The following ATG4C variants were observed in gnomAD, a reference collection of about 807,000 sequenced individuals.
ATG4C encodes the protein autophagy related 4C cysteine peptidase.
ATG4C carries 56 observed loss-of-function variants against 57.6 expected under a neutral mutation model. The ratio of observed to expected loss-of-function variants is 0.97; its 90% CI spans 0.78 to 1.21. The LOEUF (loss-of-function observed/expected upper bound fraction) is 1.21, where lower values mean the gene tolerates loss of function less well. Ranked by LOEUF, ATG4C falls within the 50% of genes most tolerant of loss-of-function variation. The pLI is 0.00. For missense variants in ATG4C, 595 were observed against 529.8 expected (o/e 1.12, Z -1.21); for synonymous variants, 157 against 174.1 (o/e 0.90, Z 0.78).
intron 3 of ATG4C, among the ~76,000 whole-genome samples, chr1:62,814,600 A>G (rs537669944): frequency 6.6e-6 from 1 of 152,306 alleles, no homozygotes; most frequent in African/African-American, 2.4e-5. Flanking sequence ...TAATAATAAT[A>G]AAAAATATAG....
At chr1:62,796,969 A>C (rs1404527328) in intron 1 of ATG4C, among the ~76,000 whole-genome samples, 1 of 152,102 alleles carries the variant, frequency 6.6e-6, no homozygotes, top group Non-Finnish European at 1.5e-5. Context: ...TTAGCTGGGC[A>C]TGGTGGCACA....
At chr1:62,810,920 ATTCT>A (rs1173873483) in intron 3 of ATG4C, among the ~76,000 whole-genome samples, 1 of 152,072 alleles carries the variant, frequency 6.6e-6, no homozygotes, top group African/African-American at 2.4e-5. Context: ...TAAATTCTTG[ATTCT>A]TTAATATCTA....
At chr1:62,803,142 G>T (rs558727003) in intron 1 of ATG4C, among the ~76,000 whole-genome samples, 2 of 152,058 alleles carry the variant, frequency 1.3e-5, no homozygotes, top group Non-Finnish European at 2.9e-5. Context: ...AACATTTTCC[G>T]TTATAAATTT....
At chr1:62,831,545 T>G (rs549326100) in intron 7 of ATG4C, among the ~76,000 whole-genome samples, 37 of 152,168 alleles carry the variant, frequency 2.4e-4, no homozygotes, top group East Asian at 9.6e-4. Flanking sequence ...GGAGGTTTAT[T>G]TATGTATGTA....
At chr1:62,846,160 C>A (rs1413854600) in intron 10 of ATG4C, among the ~76,000 whole-genome samples, 1 of 152,240 alleles carries the variant, frequency 6.6e-6, no homozygotes, top group South Asian at 2.1e-4. Flanking sequence ...CACTAATGAC[C>A]CTACGTTGCC....
chr1:62,861,235 G>T (rs921046709), intron 10 of ATG4C, among the ~76,000 whole-genome samples: 1 of 152,026 alleles, frequency 6.6e-6, no homozygotes, highest in Non-Finnish European at 1.5e-5. Flanking sequence ...TGTAATAGAA[G>T]AATTACATGT....
intron 1 of ATG4C, among the ~76,000 whole-genome samples, chr1:62,785,725 A>G (rs1044843735): frequency 2.0e-5 from 3 of 152,186 alleles, no homozygotes; most frequent in Non-Finnish European, 4.4e-5. Context: ...GCTATCAAGT[A>G]TGATCTATAC....
At chr1:62,843,287 T>G (rs1303487940) in intron 10 of ATG4C, among the ~76,000 whole-genome samples, 2 of 152,202 alleles carry the variant, frequency 1.3e-5, no homozygotes, top group African/African-American at 4.8e-5. Flanking sequence ...AGAGAAATTA[T>G]GTTGAAATGT....
chr1:62,800,471 A>G (rs148009416), intron 1 of ATG4C, among the ~76,000 whole-genome samples: 4 of 152,168 alleles, frequency 2.6e-5, no homozygotes, highest in Admixed American at 2.0e-4. Flanking sequence ...CATATGACAC[A>G]TAAGTTTCAG....
intron 7 of ATG4C, among the ~76,000 whole-genome samples, chr1:62,832,338 CTG>C (rs1221204629): frequency 6.6e-6 from 1 of 152,064 alleles, no homozygotes; most frequent in African/African-American, 2.4e-5. Flanking sequence ...ATACTGGAGA[CTG>C]AGTAATTTAT....
intron 9 of ATG4C, among the ~76,000 whole-genome samples, chr1:62,841,198 A>G (rs1443249077): frequency 6.6e-6 from 1 of 152,174 alleles, no homozygotes; most frequent in Admixed American, 6.6e-5. Context: ...AATGGCACTA[A>G]TATCACAAAA....
chr1:62,800,196 T>C (rs1056522483), intron 1 of ATG4C, among the ~76,000 whole-genome samples: 10 of 152,176 alleles, frequency 6.6e-5, no homozygotes, highest in African/African-American at 2.4e-4. Flanking sequence ...TGGCCTTCTT[T>C]CTTTCAGACT....
intron 10 of ATG4C, among the ~76,000 whole-genome samples, chr1:62,852,771 T>C (rs1482357992): frequency 2.0e-5 from 3 of 151,684 alleles, no homozygotes; most frequent in Non-Finnish European, 2.9e-5. Flanking sequence ...TTCTAAATGT[T>C]CAGTTATATC....
At position 62,819,085 on chromosome 1, in the gene ATG4C, G is replaced by C. The variant is rs1482110984; in HGVS notation, c.475G>C (p.Ala159Pro). Reference sequence around the variant, plus strand: ...TTCCCACACTGTCAAAAAATTTACTGCATCATTTGAAGCATCACTTTCAGG... The same window carrying C: ...TTCCCACACTGTCAAAAAATTTACTCCATCATTTGAAGCATCACTTTCAGG... ...WTSHTVKKFT[A>P]SFEASLSGER... Residue 159 changes from alanine to proline, a missense_variant, in exon 5 of 11, where the codon GCA (alanine) becomes CCA (proline). Coordinates refer to ENST00000317868, the MANE Select transcript of ATG4C (RefSeq NM_032852.4). 3.1e-6 allele frequency: 5 copies of C among 1,610,256 alleles called. No individual in the cohort carries two copies. The highest frequency in any genetic ancestry group is 4.2e-6 in the Non-Finnish European group (5 of 1,178,576).
At chr1:62,794,234 A>G (rs1273048205) in intron 1 of ATG4C, among the ~76,000 whole-genome samples, 9 of 152,214 alleles carry the variant, frequency 5.9e-5, no homozygotes, top group African/African-American at 2.2e-4. Flanking sequence ...GCAGTGCTGC[A>G]GAAGTGGAGG....
intron 1 of ATG4C, among the ~76,000 whole-genome samples, chr1:62,794,864 C>G (rs1664408350): frequency 6.6e-6 from 1 of 151,872 alleles, no homozygotes; most frequent in African/African-American, 2.4e-5. Context: ...AAATGAGAAG[C>G]AGAGATGATA....
At chr1:62,791,058 C>T (rs1664259638) in intron 1 of ATG4C, among the ~76,000 whole-genome samples, 1 of 151,806 alleles carries the variant, frequency 6.6e-6, no homozygotes, top group Non-Finnish European at 1.5e-5. Flanking sequence ...TGTATTTTAC[C>T]CTGTGATATT....
chr1:62,837,907 T>A (rs1424446599), intron 9 of ATG4C, among the ~76,000 whole-genome samples: 1 of 152,138 alleles, frequency 6.6e-6, no homozygotes, highest in Non-Finnish European at 1.5e-5. Context: ...CTCTCCACCT[T>A]AGCCACTCAA....
At chr1:62,861,734 A>G (rs1225330838) in intron 10 of ATG4C, among the ~76,000 whole-genome samples, 1 of 152,116 alleles carries the variant, frequency 6.6e-6, no homozygotes, top group African/African-American at 2.4e-5. Context: ...ATTTTAACAT[A>G]ATTGAAACTA....
Sources: gnomAD v4.1 joint callset for allele counts (sites outside exome capture counted in the v4.1 genomes callset) on GRCh38, gnomAD v4.1.1 for gene constraint, MANE v1.5 for transcripts, NCBI Gene and HGNC (gene_info 2026-07-23, HGNC 2026-07-21) for gene names.